ATN1: variants seen among roughly 807,000 people sequenced by gnomAD.
The protein encoded by ATN1 is atrophin-1.
A neutral mutation model predicts 85.8 loss-of-function variants in ATN1; 19 were observed. That is an observed-to-expected ratio of 0.22 (90% CI 0.15 to 0.32). The LOEUF (loss-of-function observed/expected upper bound fraction) is 0.32, where lower values mean the gene tolerates loss of function less well. ATN1 is among the 10% of genes least tolerant of loss of function. ATN1 has a pLI of 1.00. For missense variants in ATN1, 1,453 were observed against 1,564.5 expected, an observed-to-expected ratio of 0.93 and a Z score of 1.20; for synonymous variants, 674 against 657.0, an observed-to-expected ratio of 1.03 and a Z score of -0.39.
At position 6,941,139 on chromosome 12, in the gene ATN1, G is replaced by A. The variant is rs1945629327; in HGVS notation, c.3358+116G>A. On this transcript the variant is annotated intron_variant, in intron 8 of 9. Transcript: ENST00000396684. This position sits in a 1 kb window ranked among gnomAD's most constrained non-coding sequence, Gnocchi z 5.9. ...GAGGGATGAGGAGGTGCCTAGAGGA[G>A]CTGGGCATGGGAATAGGAGAGCTGG... The A allele has an allele frequency of 3.7e-6, 5 of 1,359,372 alleles. No individual in the cohort carries two copies. Among genetic ancestry groups the A allele is most frequent in the Admixed American group, 2.2e-5 (1 of 44,912 alleles). 84.2% of individuals were successfully genotyped at this position (1,359,372 alleles called of 1,614,324 possible). A position where few individuals can be genotyped will look rare whatever the true frequency, so the allele number is the denominator to read the frequency against.
Position 6,942,173 on chromosome 12 carries a change from T to C in ATN1, c.*393T>C. Reference sequence around the variant, plus strand: ...GTGTGCCACCCCTGCCCCTCCCCGATCCCTGTGTGCGCGCCCCCTCTGCAA... The same window carrying C: ...GTGTGCCACCCCTGCCCCTCCCCGACCCCTGTGTGCGCGCCCCCTCTGCAA... On this transcript the variant is annotated 3_prime_UTR_variant, in exon 10 of 10. Coordinates refer to ENST00000396684, the MANE Select transcript of ATN1 (RefSeq NM_001940.4). 1 of 255,134 alleles carries C rather than the reference T, an allele frequency of 3.9e-6. No homozygotes were observed. Among genetic ancestry groups the C allele is most frequent in the Non-Finnish European group, 7.7e-6 (1 of 130,118 alleles). 15.8% of individuals were successfully genotyped at this position (255,134 alleles called of 1,614,324 possible). A position where few individuals can be genotyped will look rare whatever the true frequency, so the allele number is the denominator to read the frequency against.
rs782489551 is a variant in ATN1, at chr12:6,937,433, C to A, written c.2166C>A (p.Ser722Arg). 24 of 1,547,450 alleles carry A rather than the reference C, an allele frequency of 1.6e-5. No homozygotes were observed. The highest frequency in any genetic ancestry group is 2.1e-5 in the Non-Finnish European group (24 of 1,147,380). The change falls in exon 5 of 10, where the codon AGC becomes AGA. Residue 722 changes from serine to arginine, a missense_variant. This residue lies in a region of ATN1 where 990 missense variants were observed against 914.8 expected (regional missense o/e 1.08). Transcript: ENST00000396684. This position sits in a 1 kb window ranked among gnomAD's most constrained non-coding sequence, Gnocchi z 6.0. ...CCCCTGCCTCAGGGCCGCCCCTGAG[C>A]GCCACGCAGATCAAACAGGAGCCGG... Reference protein sequence around the residue: ...PAAPASGPPLSATQIKQEPAE... With the variant: ...PAAPASGPPLRATQIKQEPAE...
chr12:6,927,290 C>A (rs782209871), upstream of ATN1, among the ~76,000 whole-genome samples: 1 of 151,974 alleles, frequency 6.6e-6, no homozygotes, highest in Non-Finnish European at 1.5e-5. Flanking sequence ...CTGATAATAG[C>A]CCCCAAACCC....
Position 6,937,731 on chromosome 12 carries a change from C to T in ATN1, c.2295-114C>T, listed in dbSNP as rs928361200. 2 of 1,451,108 alleles carry T rather than the reference C, an allele frequency of 1.4e-6. No individual in the cohort carries two copies. Among genetic ancestry groups the T allele is most frequent in the Non-Finnish European group, 1.8e-6 (2 of 1,105,064 alleles). The allele number at this position is 1,451,108 out of a possible 1,614,324, so 89.9% of individuals were successfully genotyped here. A position where few individuals can be genotyped will look rare whatever the true frequency, so the allele number is the denominator to read the frequency against. ...CAGTGAGGCCCGCAGCAGCTCACAG[C>T]CTGCAGGGGTGGTTTTGAGGCGGGG... On this transcript the variant is annotated intron_variant, in intron 5 of 9. Coordinates refer to ENST00000396684, the MANE Select transcript of ATN1 (RefSeq NM_001940.4). The surrounding 1 kb of genome is among the most constrained non-coding windows in gnomAD (Gnocchi z 6.0).
chr12:6,936,372 C>T lies in ATN1; in HGVS notation c.1105C>T (p.Pro369Ser). ...TCCTGCTTCCTCTTCTGCTCCAGCG[C>T]CCCCCATGAGGTTTCCTTATTCATC... is the stretch of plus-strand genomic sequence containing the variant. ...LPPASSSAPAPPMRFPYSSSS... is the reference protein window; with the variant it reads ...LPPASSSAPASPMRFPYSSSS... Residue 369 changes from proline to serine, a missense_variant, in exon 5 of 10, where the codon CCC becomes TCC. Transcript: ENST00000396684. 3 of 1,613,820 alleles carry T rather than the reference C, an allele frequency of 1.9e-6. No homozygotes were observed. The highest frequency in any genetic ancestry group is 2.5e-6 in the Non-Finnish European group (3 of 1,179,936).
rs782489228 is a variant in ATN1, at chr12:6,935,976, G to T, written c.709G>T (p.Gly237Trp). The T allele has an allele frequency of 1.9e-6, 3 of 1,590,214 alleles. No individual in the cohort carries two copies. The highest frequency in any genetic ancestry group is 2.6e-6 in the Non-Finnish European group (3 of 1,167,848). ...GTCTGGACCCCCAATGGGTCCCAAGGGGGGAGGGGCTGCCTCATCAGTGGG... is the reference window on the plus strand; with the variant it reads ...GTCTGGACCCCCAATGGGTCCCAAGTGGGGAGGGGCTGCCTCATCAGTGGG... ...VLSGPPMGPK[G>W]GGAASSVGGP... Residue 237 changes from glycine to tryptophan, a missense_variant, in exon 5 of 10, where the codon GGG becomes TGG. By Grantham distance (184) the Gly-to-Trp change is radical. Coordinates refer to ENST00000396684, the MANE Select transcript of ATN1 (RefSeq NM_001940.4). This position sits in a 1 kb window ranked among gnomAD's most constrained non-coding sequence, Gnocchi z 5.3.
Position 6,934,480 on chromosome 12 carries a change from G to A in ATN1, c.181G>A (p.Glu61Lys), listed in dbSNP as rs2138209177. The change falls in exon 4 of 10, where the codon GAA (glutamate) becomes AAA (lysine). Residue 61 changes from glutamate (E) to lysine (K), a missense_variant. Physicochemically the swap from Glu to Lys is moderately conservative, Grantham distance 56. This residue lies in a region of ATN1 where 130 missense variants were observed against 158.2 expected (regional missense o/e 0.82). Coordinates refer to ENST00000396684, the MANE Select transcript of ATN1 (RefSeq NM_001940.4). The surrounding 1 kb of genome is among the most constrained non-coding windows in gnomAD (Gnocchi z 4.5). ...TCTCTAACAGAAGGCCCGAGTAGAG[G>A]AAGCCTCCACCCCAAAGGTCAACAA... is the stretch of plus-strand genomic sequence containing the variant. ...RQTAKKARVE[E>K]ASTPKVNKQG... 1 of 1,592,484 alleles carries A rather than the reference G, an allele frequency of 6.3e-7. No homozygotes were observed. The highest frequency in any genetic ancestry group is 1.1e-5 in the South Asian group (1 of 88,340).
Position 6,937,990 on chromosome 12 carries a change from G to A in ATN1, c.2440G>A (p.Glu814Lys), listed in dbSNP as rs1305183544. 3 of 1,549,296 alleles carry A rather than the reference G, an allele frequency of 1.9e-6. No homozygotes were observed. The highest frequency in any genetic ancestry group is 1.4e-5 in the African/African-American group (1 of 73,010). The change falls in exon 6 of 10, where the codon GAA (glutamate) becomes AAA (lysine). Residue 814 changes from glutamate (E) to lysine (K), a missense_variant. By Grantham distance (56) the Glu-to-Lys change is moderately conservative (BLOSUM62 1). Coordinates refer to ENST00000396684, the MANE Select transcript of ATN1 (RefSeq NM_001940.4). This position sits in a 1 kb window ranked among gnomAD's most constrained non-coding sequence, Gnocchi z 6.0. ...CGAGGCCGAGCAGCGCGCGCGCGAA[G>A]AAAAGGAGCGCGAGCGCGAGCGGGA... ...RREAEQRARE[E>K]KERERERERE... is the part of the protein sequence containing the mutation.
rs782264604 is a variant in ATN1, at chr12:6,936,910, A to G, written c.1643A>G (p.His548Arg). The change falls in exon 5 of 10, where the codon CAC (histidine) becomes CGC (arginine). Residue 548 changes from histidine to arginine, a missense_variant. By Grantham distance (29) the His-to-Arg change is conservative. Around this residue, in one of 6 missense-constraint regions of ATN1, gnomAD observed 990 missense variants for 914.8 expected, o/e 1.08. Transcript: ENST00000396684. ...AGGCCCTACCCACCAGGGCCAGCAC[A>G]CCTGCCCCCACCTCACAGCCAGGTG... Reference protein sequence around the residue: ...SLRPYPPGPAHLPPPHSQVSY... With the variant: ...SLRPYPPGPARLPPPHSQVSY... The G allele has an allele frequency of 3.7e-6, 6 of 1,613,776 alleles. No homozygotes were observed. The highest frequency in any genetic ancestry group is 2.7e-5 in the African/African-American group (2 of 74,836).
Position 6,941,056 on chromosome 12 carries a change from T to C in ATN1, c.3358+33T>C. The C allele has an allele frequency of 6.2e-7, 1 of 1,610,614 alleles. No homozygotes were observed. Among genetic ancestry groups the C allele is most frequent in the Non-Finnish European group, 8.5e-7 (1 of 1,177,992 alleles). On this transcript the variant is annotated intron_variant, in intron 8 of 9. Transcript: ENST00000396684. This position sits in a 1 kb window ranked among gnomAD's most constrained non-coding sequence, Gnocchi z 5.9. ...TGGAAGTTGGGGTAGGCAGCTCCAA[T>C]GAGAAAAGGGCAGAAAGGAGGTATT...
Position 6,941,161 on chromosome 12 carries a change from C to G in ATN1, c.3358+138C>G, listed in dbSNP as rs1555144573. ...GGAGCTGGGCATGGGAATAGGAGAGCTGGAGCTCTGCCCAAGAGAAGCACG... is the reference window on the plus strand; with the variant it reads ...GGAGCTGGGCATGGGAATAGGAGAGGTGGAGCTCTGCCCAAGAGAAGCACG... On this transcript the variant is annotated intron_variant, in intron 8 of 9. Transcript: ENST00000396684. This position sits in a 1 kb window ranked among gnomAD's most constrained non-coding sequence, Gnocchi z 5.9. 2.4e-6 allele frequency: 3 copies of G among 1,269,404 alleles called. No homozygotes were observed. The African/African-American group carries it at 4.5e-5, about 19-fold the overall frequency. The allele number at this position is 1,269,404 out of a possible 1,614,324, so 78.6% of individuals were successfully genotyped here.
rs1197799382 is a variant in ATN1 at position 6,931,715 on chromosome 12, C to CAA, written c.-162-2112_-162-2111dup. Among the ~76,000 whole-genome samples the CAA allele has an allele frequency of 1.1e-3, 65 of 57,440 alleles. No homozygotes were observed. The East Asian group carries it at 0.031, about 27-fold the overall frequency. The allele number at this position is 57,440 out of a possible 152,430, so 37.7% of individuals were successfully genotyped here. ...GGGGAACAAGAGCAAAGATCCATCT[C>CAA]AAAAAAAAAAAAAAGGAAAAAAAAA... On this transcript the variant is annotated intron_variant, in intron 1 of 9. Transcript: ENST00000396684.
chr12:6,941,628 G>T lies in ATN1; in HGVS notation c.3539+74G>T. The T allele has an allele frequency of 6.3e-7, 1 of 1,596,678 alleles. No individual in the cohort carries two copies. ...GAGGAGCTGTGGGCATGGTACGGCT[G>T]GGCACCGTGCTCCTGGGGGAGGGAA... On this transcript the variant is annotated intron_variant, in intron 9 of 9. Coordinates refer to ENST00000396684, the MANE Select transcript of ATN1 (RefSeq NM_001940.4). The surrounding 1 kb of genome is among the most constrained non-coding windows in gnomAD (Gnocchi z 5.9).
In ATN1 at chr12:6,937,812, C is replaced by T. The variant is rs782786667; in HGVS notation, c.2295-33C>T. The T allele has an allele frequency of 3.0e-5, 45 of 1,522,234 alleles. No homozygotes were observed. The East Asian group carries it at 1.1e-3, about 38-fold the overall frequency. 94.3% of individuals were successfully genotyped at this position (1,522,234 alleles called of 1,614,324 possible). Reference sequence around the variant, plus strand: ...GCGGGCTCCATCGGGCAGCTCGCACCGCCTGAGCGCCCGCTGCTTCCACGC... The same window carrying T: ...GCGGGCTCCATCGGGCAGCTCGCACTGCCTGAGCGCCCGCTGCTTCCACGC... On this transcript the variant is annotated intron_variant, in intron 5 of 9. Transcript: ENST00000396684. The surrounding 1 kb of genome is among the most constrained non-coding windows in gnomAD (Gnocchi z 6.0).
intron 6 of ATN1, 107 bp downstream of exon 6, chr12:6,938,174 G>A: frequency 1.4e-6 from 2 of 1,440,818 alleles, no homozygotes; most frequent in Non-Finnish European, 1.8e-6. Flanking sequence ...GGGTGGGCGG[G>A]CGAGTCACGT....
Position 6,938,004 on chromosome 12 carries a change from G to GCGCGAGCGGGAA in ATN1, c.2461_2472dup (p.Arg821_Glu824dup), listed in dbSNP as rs1253092610. ...GCGCGCGCGAAGAAAAGGAGCGCGA[G>GCGCGAGCGGGAA]CGCGAGCGGGAACGCGAGAAAGAGC... On this transcript the variant is annotated inframe_insertion, in exon 6 of 10. Coordinates refer to ENST00000396684, the MANE Select transcript of ATN1 (RefSeq NM_001940.4). 1.3e-6 allele frequency: 2 copies of GCGCGAGCGGGAA among 1,542,470 alleles called. No individual in the cohort carries two copies. Among genetic ancestry groups the GCGCGAGCGGGAA allele is most frequent in the African/African-American group, 1.4e-5 (1 of 72,898 alleles).
intron 7 of ATN1, 84 bp from the exon 8 acceptor site, chr12:6,940,796 C>G: frequency 6.5e-7 from 1 of 1,546,694 alleles, no homozygotes. Flanking sequence ...TGACTCAGTT[C>G]CCAGGCTTGG....
At chr12:6,925,054 TG>T (rs781947038), upstream of ATN1, among the ~76,000 whole-genome samples, 3 of 151,650 alleles carry the variant, frequency 2.0e-5, no homozygotes, top group Non-Finnish European at 4.4e-5. Flanking sequence ...CAATGGGTTG[TG>T]GGGGGCTGAG....
At position 6,937,442 on chromosome 12, in the gene ATN1, G is replaced by T; in HGVS notation, c.2175G>T (p.Gln725His). 2 of 1,547,106 alleles carry T rather than the reference G, an allele frequency of 1.3e-6. No homozygotes were observed. Residue 725 changes from glutamine (Q) to histidine (H), a missense_variant, in exon 5 of 10, where the codon CAG becomes CAT. Coordinates refer to ENST00000396684, the MANE Select transcript of ATN1 (RefSeq NM_001940.4). The surrounding 1 kb of genome is among the most constrained non-coding windows in gnomAD (Gnocchi z 6.0). ...CAGGGCCGCCCCTGAGCGCCACGCA[G>T]ATCAAACAGGAGCCGGCTGAGGAGT... ...PASGPPLSAT[Q>H]IKQEPAEEYE...
Sources: gnomAD v4.1 joint callset for allele counts (sites outside exome capture counted in the v4.1 genomes callset) on GRCh38, gnomAD v4.1.1 for gene constraint, gnomAD v4.1.1 regional missense constraint, Gnocchi (gnomAD v3.1) non-coding constraint, MANE v1.5 for transcripts, NCBI Gene and HGNC (gene_info 2026-07-23, HGNC 2026-07-21) for gene names.